AJAP1: variants seen among roughly 807,000 people sequenced by gnomAD.
The protein encoded by AJAP1 is adherens junction-associated protein 1.
AJAP1 carries 5 observed loss-of-function variants against 35.0 expected under a neutral mutation model. The ratio of observed to expected loss-of-function variants is 0.14; its 90% CI spans 0.07 to 0.30. AJAP1 has a LOEUF of 0.30. Among genes scored for constraint, AJAP1 ranks in the 10% least tolerant of loss-of-function variants. The pLI is 1.00. For synonymous variants in AJAP1, 284 were observed against 249.3 expected, an observed-to-expected ratio of 1.14 and a Z score of -1.31; for missense variants, 586 against 571.0, an observed-to-expected ratio of 1.03 and a Z score of -0.27.
intron 2 of AJAP1, among the ~76,000 whole-genome samples, chr1:4,721,095 G>T (rs1332980753): frequency 6.6e-6 from 1 of 152,336 alleles, no homozygotes; most frequent in African/African-American, 2.4e-5. Context: ...CCTTTACGTA[G>T]CTGGAATAGC....
chr1:4,786,482 T>C lies in AJAP1; in HGVS notation c.*3997T>C, dbSNP rs1211366118. ...CTTAATCCTTTCTTTCAAAAATACG[T>C]GACTCTTTCACAGCCATATTTTAGC... is the stretch of plus-strand genomic sequence containing the variant. On this transcript the variant is annotated 3_prime_UTR_variant, in exon 6 of 6. Coordinates refer to ENST00000378191, the MANE Select transcript of AJAP1 (RefSeq NM_018836.4). 1 of 152,194 alleles carries C rather than the reference T, an allele frequency of 6.6e-6. No homozygotes were observed. The highest frequency in any genetic ancestry group is 2.4e-5 in the African/African-American group (1 of 41,450). 9.4% of individuals were successfully genotyped at this position (152,194 alleles called of 1,614,324 possible). A position where few individuals can be genotyped will look rare whatever the true frequency, so the allele number is the denominator to read the frequency against.
chr1:4,726,985 T>C (rs958551834), intron 2 of AJAP1, among the ~76,000 whole-genome samples: 2 of 152,184 alleles, frequency 1.3e-5, no homozygotes, highest in African/African-American at 4.8e-5. Context: ...GGGATGCGGA[T>C]CCCTGTGTGA....
rs1015795561 is a variant in AJAP1, at chr1:4,693,516, C to A, written c.30-18384C>A. On this transcript the variant is annotated intron_variant, in intron 1 of 5. Coordinates refer to ENST00000378191, the MANE Select transcript of AJAP1 (RefSeq NM_018836.4). This position sits in a 1 kb window ranked among gnomAD's most constrained non-coding sequence, Gnocchi z 4.4. The stretch of plus-strand genomic sequence containing the variant: ...TGGCTGCAGAATGGCCCTTCCTCCC[C>A]ACGTGGGGCTGACAGCCTGTGTTTT... 6.6e-6 allele frequency among the ~76,000 whole-genome samples: 1 copy of A among 152,038 alleles called. No homozygotes were observed. The highest frequency in any genetic ancestry group is 2.1e-4 in the South Asian group (1 of 4,816).
chr1:4,675,849 G>A (rs998362309), intron 1 of AJAP1, among the ~76,000 whole-genome samples: 25 of 152,326 alleles, frequency 1.6e-4, no homozygotes, highest in Middle Eastern at 3.4e-3. Context: ...TGGTGTGGGC[G>A]GAAATTTTAG....
At chr1:4,770,047 C>A in intron 3 of AJAP1, 107 bp downstream of exon 3, 1 of 1,027,190 alleles carries the variant, frequency 9.7e-7, no homozygotes, top group Non-Finnish European at 1.5e-6. Context: ...GTTCTGCTGG[C>A]TTCTGCCCTG....
intron 1 of AJAP1, among the ~76,000 whole-genome samples, chr1:4,658,957 C>G (rs1638942387): frequency 6.6e-6 from 1 of 152,190 alleles, no homozygotes; most frequent in Admixed American, 6.5e-5. Flanking sequence ...AACCCAGTCT[C>G]CACTTCCACA....
At chr1:4,762,041 C>T (rs530224800) in intron 2 of AJAP1, among the ~76,000 whole-genome samples, 1 of 152,214 alleles carries the variant, frequency 6.6e-6, no homozygotes, top group Non-Finnish European at 1.5e-5. Flanking sequence ...CCCTTGTCAA[C>T]TTGAGCCCAT....
intron 2 of AJAP1, among the ~76,000 whole-genome samples, chr1:4,735,640 C>T (rs1027179106): frequency 7.5e-5 from 11 of 145,710 alleles, no homozygotes. Flanking sequence ...GTACAGTGGG[C>T]ACCTCTGCCT....
chr1:4,681,337 C>A (rs1639476286), intron 1 of AJAP1, among the ~76,000 whole-genome samples: 1 of 152,206 alleles, frequency 6.6e-6, no homozygotes, highest in Non-Finnish European at 1.5e-5. Context: ...TGTTGGCGTC[C>A]CCCTTCGCCA....
chr1:4,666,466 C>A, intron 1 of AJAP1, among the ~76,000 whole-genome samples: 1 of 152,186 alleles, frequency 6.6e-6, no homozygotes, highest in East Asian at 1.9e-4. Flanking sequence ...AATGACAGAC[C>A]CTGGGGAGTG....
intron 2 of AJAP1, among the ~76,000 whole-genome samples, chr1:4,744,716 A>G (rs1641149844): frequency 1.3e-5 from 2 of 151,834 alleles, no homozygotes; most frequent in Admixed American, 1.3e-4. Context: ...AGTCACATAT[A>G]CCCTGGCACA....
intron 2 of AJAP1, among the ~76,000 whole-genome samples, chr1:4,765,608 C>T (rs1641667119): frequency 6.6e-6 from 1 of 152,120 alleles, no homozygotes; most frequent in African/African-American, 2.4e-5. Flanking sequence ...TCTCTCTCTA[C>T]ACAATGATTC....
At chr1:4,749,128 C>T (rs1029624860) in intron 2 of AJAP1, among the ~76,000 whole-genome samples, 8 of 152,170 alleles carry the variant, frequency 5.3e-5, no homozygotes, top group Non-Finnish European at 1.0e-4. Flanking sequence ...GTCTTATCAA[C>T]GTCATATTCT....
rs187776468 is a variant in AJAP1 at position 4,705,320 on chromosome 1, G to A, written c.30-6580G>A. ...CCTAGGCATTACCATTCAGGACATAGGCATGGGCAAGGACTTCATGTCTAA... is the reference window on the plus strand; with the variant it reads ...CCTAGGCATTACCATTCAGGACATAAGCATGGGCAAGGACTTCATGTCTAA... On this transcript the variant is annotated intron_variant, in intron 1 of 5. Coordinates refer to ENST00000378191, the MANE Select transcript of AJAP1 (RefSeq NM_018836.4). Among the ~76,000 whole-genome samples the A allele has an allele frequency of 3.8e-3, 553 of 147,012 alleles. 10 individuals carry two copies. Among genetic ancestry groups the A allele is most frequent in the African/African-American group, 0.013 (523 of 39,908 alleles).
intron 5 of AJAP1, among the ~76,000 whole-genome samples, chr1:4,780,058 C>G (rs1487541411): frequency 7.0e-6 from 1 of 143,414 alleles, no homozygotes; most frequent in Admixed American, 7.4e-5. Context: ...GCAGGAGAAT[C>G]GCTTGAACCC....
At position 4,790,023 on chromosome 1, in the gene AJAP1, G is replaced by A. The variant is rs368422312; in HGVS notation, c.*7538G>A. 3.3e-5 allele frequency: 5 copies of A among 152,324 alleles called. No homozygotes were observed. The highest frequency in any genetic ancestry group is 1.9e-4 in the East Asian group (1 of 5,176). 9.4% of individuals were successfully genotyped at this position (152,324 alleles called of 1,614,324 possible). On this transcript the variant is annotated 3_prime_UTR_variant, in exon 6 of 6. Coordinates refer to ENST00000378191, the MANE Select transcript of AJAP1 (RefSeq NM_018836.4). ...TCTTCAGTCATCCCAAGCCAAAAGG[G>A]AAAATTCGAAACCCACTGTGACACC...
intron 1 of AJAP1, among the ~76,000 whole-genome samples, chr1:4,703,149 C>A (rs745803619): frequency 6.6e-6 from 1 of 152,144 alleles, no homozygotes; most frequent in Non-Finnish European, 1.5e-5. Context: ...AGAGGTAGAG[C>A]GCGGAGTGGC....
At chr1:4,672,832 G>A (rs1001898687) in intron 1 of AJAP1, among the ~76,000 whole-genome samples, 11 of 152,188 alleles carry the variant, frequency 7.2e-5, no homozygotes, top group African/African-American at 1.4e-4. Flanking sequence ...TGACCCTTCC[G>A]TAGGGAGATC....
chr1:4,736,977 C>T (rs906905588), intron 2 of AJAP1, among the ~76,000 whole-genome samples: 10 of 152,122 alleles, frequency 6.6e-5, no homozygotes, highest in Non-Finnish European at 8.8e-5. Context: ...CCAGGTCAAG[C>T]AAGGGCCCCG....
Sources: gnomAD v4.1 joint callset for allele counts (sites outside exome capture counted in the v4.1 genomes callset) on GRCh38, gnomAD v4.1.1 for gene constraint, Gnocchi (gnomAD v3.1) non-coding constraint, MANE v1.5 for transcripts, NCBI Gene and HGNC (gene_info 2026-07-23, HGNC 2026-07-21) for gene names.